CRPPA: variants seen among roughly 807,000 people sequenced by gnomAD.
CRPPA encodes CDP-L-ribitol pyrophosphorylase A.
In CRPPA, 43 loss-of-function variants were observed where a neutral mutation model predicts 52.0. The observed-to-expected ratio is 0.83, with a 90% CI of 0.65 to 1.07. The LOEUF (loss-of-function observed/expected upper bound fraction) is 1.07. Ranked by LOEUF, CRPPA falls within the 50% of genes least tolerant of loss-of-function variation. The pLI is 0.00. For synonymous variants in CRPPA, 250 were observed against 203.5 expected (o/e 1.23, Z -1.94); for missense variants, 629 against 551.7 (o/e 1.14, Z -1.40).
chr7:16,168,534 AAC>A (rs61189058), intron 9 of CRPPA, among the ~76,000 whole-genome samples: 38,929 of 142,790 alleles, frequency 0.27, 5,225 homozygotes, highest in Admixed American at 0.32. Context: ...AGTGAAGTAA[AAC>A]ACACACACAC....
intron 9 of CRPPA, among the ~76,000 whole-genome samples, chr7:16,126,492 G>A (rs2128371533): frequency 6.6e-6 from 1 of 152,192 alleles, no homozygotes; most frequent in Non-Finnish European, 1.5e-5. Context: ...ACCATGAAAG[G>A]AAGTCAGTGA....
At chr7:16,286,701 G>T (rs573162159) in intron 5 of CRPPA, among the ~76,000 whole-genome samples, 1 of 152,192 alleles carries the variant, frequency 6.6e-6, no homozygotes, top group South Asian at 2.1e-4. Context: ...GAATGCACAG[G>T]CAACAATCAT....
At chr7:16,100,543 C>A (rs150810416) in intron 9 of CRPPA, among the ~76,000 whole-genome samples, 1 of 152,078 alleles carries the variant, frequency 6.6e-6, no homozygotes, top group Non-Finnish European at 1.5e-5. Flanking sequence ...AAATATCGAA[C>A]GTTTTAGGCT....
chr7:16,357,715 G>C (rs1786338008), intron 3 of CRPPA, among the ~76,000 whole-genome samples: 1 of 152,174 alleles, frequency 6.6e-6, no homozygotes, highest in African/African-American at 2.4e-5. Context: ...CAACAGGAAA[G>C]ATTTCATATA....
chr7:16,254,826 A>AAAGAAAGG (rs1783583864), intron 8 of CRPPA, among the ~76,000 whole-genome samples: 2 of 148,994 alleles, frequency 1.3e-5, no homozygotes, highest in South Asian at 4.2e-4. Flanking sequence ...AGAAAGAAAG[A>AAAGAAAGG]AAGAAAGAAA....
chr7:16,112,142 C>G (rs2128367327), intron 9 of CRPPA, among the ~76,000 whole-genome samples: 1 of 152,158 alleles, frequency 6.6e-6, no homozygotes, highest in East Asian at 1.9e-4. Flanking sequence ...TGGTGAAACC[C>G]CATCTCTACT....
intron 8 of CRPPA, 61 bp downstream of exon 8, chr7:16,258,329 T>G: frequency 9.7e-7 from 1 of 1,027,602 alleles, no homozygotes; most frequent in South Asian, 1.5e-5. Flanking sequence ...TAAAAATATG[T>G]ACATTGAGTT....
At chr7:16,194,946 A>G (rs1781697552) in intron 9 of CRPPA, among the ~76,000 whole-genome samples, 1 of 151,570 alleles carries the variant, frequency 6.6e-6, no homozygotes, top group Non-Finnish European at 1.5e-5. Context: ...TGGAGTGGAG[A>G]CTTTTGCAGC....
chr7:16,151,670 T>C (rs1388343588), intron 9 of CRPPA, among the ~76,000 whole-genome samples: 1 of 152,126 alleles, frequency 6.6e-6, no homozygotes. Context: ...TTTCTATTAA[T>C]ATATTTACAT....
chr7:16,135,070 A>G (rs960680801), intron 9 of CRPPA, among the ~76,000 whole-genome samples: 2 of 152,196 alleles, frequency 1.3e-5, no homozygotes, highest in Admixed American at 6.5e-5. Flanking sequence ...TCAAAGCCAT[A>G]TTATTCCAGT....
chr7:16,410,861 C>G (rs1357143198), intron 1 of CRPPA, among the ~76,000 whole-genome samples: 1 of 152,192 alleles, frequency 6.6e-6, no homozygotes, highest in Non-Finnish European at 1.5e-5. Context: ...CTTTCATACT[C>G]ATCAGTTCTG....
intron 5 of CRPPA, among the ~76,000 whole-genome samples, chr7:16,297,499 T>G (rs1052952353): frequency 6.6e-5 from 10 of 152,152 alleles, no homozygotes; most frequent in African/African-American, 2.4e-4. Flanking sequence ...GCTGCATCTG[T>G]TAGCCTATTA....
chr7:16,138,511 A>G (rs1034197266), intron 9 of CRPPA, among the ~76,000 whole-genome samples: 3 of 152,168 alleles, frequency 2.0e-5, no homozygotes, highest in African/African-American at 7.2e-5. Flanking sequence ...ATTTACCTAT[A>G]TTAACCTATG....
intron 8 of CRPPA, among the ~76,000 whole-genome samples, chr7:16,234,996 T>C (rs540352404): frequency 6.6e-6 from 1 of 152,102 alleles, no homozygotes; most frequent in African/African-American, 2.4e-5. Context: ...AACTACTCAA[T>C]AAGGAAATGA....
intron 9 of CRPPA, among the ~76,000 whole-genome samples, chr7:16,154,426 T>C (rs140361217): frequency 7.9e-4 from 120 of 152,222 alleles, no homozygotes; most frequent in African/African-American, 2.8e-3. Flanking sequence ...CTCCCACTTA[T>C]GAGGAACACT....
At chr7:16,201,458 G>T (rs773880339) in intron 9 of CRPPA, among the ~76,000 whole-genome samples, 2 of 152,108 alleles carry the variant, frequency 1.3e-5, no homozygotes, top group South Asian at 4.1e-4. Flanking sequence ...TAAACGAAAT[G>T]GCACACATTC....
At chr7:16,262,422 C>T (rs112992626) in intron 6 of CRPPA, among the ~76,000 whole-genome samples, 16 of 152,250 alleles carry the variant, frequency 1.1e-4, no homozygotes, top group South Asian at 8.3e-4. Context: ...CCTATTCAAT[C>T]ACTGTTAATC....
intron 3 of CRPPA, among the ~76,000 whole-genome samples, chr7:16,352,533 G>A (rs1786183388): frequency 6.6e-6 from 1 of 152,048 alleles, no homozygotes; most frequent in Non-Finnish European, 1.5e-5. Flanking sequence ...ATAGAGAAAT[G>A]CAAATTCAAA....
At chr7:16,309,144 G>A (rs1413116146) in intron 3 of CRPPA, among the ~76,000 whole-genome samples, 2 of 151,898 alleles carry the variant, frequency 1.3e-5, no homozygotes, top group African/African-American at 2.4e-5. Context: ...GGAAAATTTA[G>A]TCTTTCATTG....
Sources: allele counts gnomAD v4.1 joint callset (sites outside exome capture counted in the v4.1 genomes callset), GRCh38; gene constraint gnomAD v4.1.1; transcripts MANE v1.5; gene names NCBI Gene and HGNC (gene_info 2026-07-23, HGNC 2026-07-21).